Variants in MYRFL observed in about 807,000 individuals in gnomAD.
MYRFL encodes myelin regulatory factor-like protein.
In MYRFL, 88 loss-of-function variants were observed where a neutral mutation model predicts 109.4. The observed-to-expected ratio is 0.80, with a 90% CI of 0.68 to 0.96. The LOEUF is 0.96. Among genes scored for constraint, MYRFL ranks in the 40% least tolerant of loss-of-function variants. The probability of loss-of-function intolerance (pLI) is 0.00; values close to 1 mark genes in which losing one functional copy is unlikely to be tolerated. For missense variants in MYRFL, 957 were observed against 954.9 expected (o/e 1.00, Z -0.03); for synonymous variants, 324 against 320.9 (o/e 1.01, Z -0.10).
chr12:69,932,513 G>T lies in MYRFL; in HGVS notation c.1831G>T (p.Val611Phe). 1.3e-6 allele frequency: 2 copies of T among 1,534,734 alleles called. No individual in the cohort carries two copies. The highest frequency in any genetic ancestry group is 1.7e-6 in the Non-Finnish European group (2 of 1,145,696). Residue 611 changes from valine (V) to phenylalanine (F), a missense_variant and splice_region_variant, in exon 16 of 25, where the codon GTT becomes TTT. Physicochemically the swap from Val to Phe is conservative, Grantham distance 50 (BLOSUM62 -1). Transcript: ENST00000552032. ...TGCTCATTACTGAACCTTTTTATAG[G>T]TTTATTTTTCAGGAAAAAGACAGGC... is the stretch of plus-strand genomic sequence containing the variant. ...RRAVHKKNNK[V>F]YFSGKRQACP...
chr12:69,839,540 A>G (rs1883129701), intron 1 of MYRFL, among the ~76,000 whole-genome samples: 1 of 152,158 alleles, frequency 6.6e-6, no homozygotes, highest in Non-Finnish European at 1.5e-5. Context: ...GTTGTTCAGG[A>G]ACACGTACAT....
intron 17 of MYRFL, 24 bp from the exon 18 acceptor site, chr12:69,936,259 A>C: frequency 6.5e-7 from 1 of 1,535,836 alleles, no homozygotes; most frequent in Non-Finnish European, 8.7e-7. Context: ...CTCTTTCATT[A>C]ATCATTTCAT....
chr12:69,838,242 CTG>C (rs1311851758), intron 1 of MYRFL, among the ~76,000 whole-genome samples: 1 of 152,176 alleles, frequency 6.6e-6, no homozygotes, highest in Non-Finnish European at 1.5e-5. Flanking sequence ...ATATTTAACA[CTG>C]TACATTCCAG....
intron 1 of MYRFL, among the ~76,000 whole-genome samples, chr12:69,826,517 C>T (rs1215552067): frequency 1.3e-5 from 2 of 152,054 alleles, no homozygotes; most frequent in African/African-American, 4.8e-5. Context: ...TACTCCATTT[C>T]CTTCTAGAGC....
chr12:69,840,942 T>A (rs1883209535), intron 1 of MYRFL, among the ~76,000 whole-genome samples: 1 of 152,238 alleles, frequency 6.6e-6, no homozygotes, highest in Admixed American at 6.5e-5. Flanking sequence ...ATCTCTCAAT[T>A]ATCAGGCACA....
Position 69,890,955 on chromosome 12 carries a change from G to A in MYRFL, c.708-16G>A, listed in dbSNP as rs1055496322. 28 of 1,428,364 alleles carry A rather than the reference G, an allele frequency of 2.0e-5. No homozygotes were observed. In the African/African-American group the frequency reaches 3.5e-4, roughly 18 times the overall value. 88.5% of individuals were successfully genotyped at this position (1,428,364 alleles called of 1,614,324 possible). A position where few individuals can be genotyped will look rare whatever the true frequency, so the allele number is the denominator to read the frequency against. On this transcript the variant is annotated splice_polypyrimidine_tract_variant and intron_variant, in intron 6 of 24. Coordinates refer to ENST00000552032, the MANE Select transcript of MYRFL (RefSeq NM_182530.3). The stretch of plus-strand genomic sequence containing the variant: ...AAACATTTGTAAAACTGGTTTCTTG[G>A]TTTCTCTTTTCATAGACCTGATGTG...
At chr12:69,864,487 G>A (rs947470557) in intron 2 of MYRFL, among the ~76,000 whole-genome samples, 1 of 152,082 alleles carries the variant, frequency 6.6e-6, no homozygotes, top group Admixed American at 6.6e-5. Context: ...CTAAGACAGA[G>A]AGTGAAACCA....
At chr12:69,868,433 G>A (rs1410868480) in intron 2 of MYRFL, among the ~76,000 whole-genome samples, 2 of 152,136 alleles carry the variant, frequency 1.3e-5, no homozygotes, top group African/African-American at 2.4e-5. Context: ...TTCATTGCCT[G>A]AGGATTAAGT....
At chr12:69,846,549 A>G (rs1317988179) in intron 1 of MYRFL, among the ~76,000 whole-genome samples, 1 of 152,008 alleles carries the variant, frequency 6.6e-6, no homozygotes, top group East Asian at 1.9e-4. Flanking sequence ...ATGGCTGCAT[A>G]GTATTCCATG....
Position 69,926,745 on chromosome 12 carries a change from C to A in MYRFL, c.1766+11C>A. On this transcript the variant is annotated intron_variant, in intron 14 of 24. Transcript: ENST00000552032. ...AGCAAGCACAATCAGGTACGTGCAG[C>A]CAGGATTGCCATAGAAATTTGGGGA... The A allele has an allele frequency of 7.0e-7, 1 of 1,419,666 alleles. No individual in the cohort carries two copies. The highest frequency in any genetic ancestry group is 1.4e-5 in the African/African-American group (1 of 69,928). The allele number at this position is 1,419,666 out of a possible 1,614,324, so 87.9% of individuals were successfully genotyped here.
intron 5 of MYRFL, among the ~76,000 whole-genome samples, chr12:69,881,565 C>T (rs1240291): frequency 0.37 from 55,713 of 152,120 alleles, 11,295 homozygotes; most frequent in East Asian, 0.71. Flanking sequence ...GGACCTTTGG[C>T]GTCAGCTCCA....
intron 7 of MYRFL, among the ~76,000 whole-genome samples, chr12:69,892,148 T>C (rs1023151373): frequency 6.6e-6 from 1 of 152,102 alleles, no homozygotes; most frequent in African/African-American, 2.4e-5. Context: ...ATTATTTTCA[T>C]CAAATTATCA....
intron 22 of MYRFL, among the ~76,000 whole-genome samples, chr12:69,956,605 CCT>C (rs1956102182): frequency 6.6e-6 from 1 of 151,822 alleles, no homozygotes; most frequent in African/African-American, 2.4e-5. Context: ...TCTGTCCTCC[CCT>C]CTCTCCCTCT....
At position 69,895,532 on chromosome 12, in the gene MYRFL, C is replaced by T. The variant is rs951611657; in HGVS notation, c.1091+51C>T. On this transcript the variant is annotated intron_variant, in intron 9 of 24. Coordinates refer to ENST00000552032, the MANE Select transcript of MYRFL (RefSeq NM_182530.3). Reference sequence around the variant, plus strand: ...AGTGTGGCTGGGTACTTTATCTGGCCAGGAAGTGCCCTCCTGGGGCCCCTC... The same window carrying T: ...AGTGTGGCTGGGTACTTTATCTGGCTAGGAAGTGCCCTCCTGGGGCCCCTC... The T allele has an allele frequency of 1.4e-5, 20 of 1,473,480 alleles. No homozygotes were observed. The African/African-American group carries it at 1.8e-4, about 13-fold the overall frequency. The allele number at this position is 1,473,480 out of a possible 1,614,324, so 91.3% of individuals were successfully genotyped here.
chr12:69,872,070 T>TTCA (rs780382167), intron 2 of MYRFL, among the ~76,000 whole-genome samples: 11,594 of 152,232 alleles, frequency 0.076, 621 homozygotes, highest in Non-Finnish European at 0.11. Context: ...GAAACTCTGT[T>TTCA]ATTAAGTACA....
intron 8 of MYRFL, 69 bp downstream of exon 8, chr12:69,893,909 A>G: frequency 5.8e-6 from 3 of 521,326 alleles, no homozygotes; most frequent in African/African-American, 2.0e-5. Context: ...TTTTTTATAT[A>G]TATATAATTT....
intron 2 of MYRFL, among the ~76,000 whole-genome samples, chr12:69,868,033 C>T (rs1885109504): frequency 6.6e-6 from 1 of 152,074 alleles, no homozygotes; most frequent in African/African-American, 2.4e-5. Flanking sequence ...CCATCTGACT[C>T]CAGCTCGACT....
chr12:69,947,585 G>GAGTT lies in MYRFL; in HGVS notation c.2225-4525_2225-4522dup, dbSNP rs371449155. ...CCAGTAAAGATTTAAGTAGACAGGA[G>GAGTT]AGTTAGATATTAAAAAGTAAAGAGC... On this transcript the variant is annotated intron_variant, in intron 19 of 24. Transcript: ENST00000552032. Among the ~76,000 whole-genome samples the GAGTT allele has an allele frequency of 2.4e-3, 363 of 152,258 alleles. 1 individual carries two copies. The highest frequency in any genetic ancestry group is 0.01 in the Middle Eastern group (3 of 294).
intron 1 of MYRFL, among the ~76,000 whole-genome samples, chr12:69,848,615 A>G (rs995571029): frequency 6.6e-6 from 1 of 152,160 alleles, no homozygotes; most frequent in Non-Finnish European, 1.5e-5. Flanking sequence ...GAAGTTGCCT[A>G]TTATTTTAAA....
Sources: allele counts gnomAD v4.1 joint callset (sites outside exome capture counted in the v4.1 genomes callset), GRCh38; gene constraint gnomAD v4.1.1; transcripts MANE v1.5; gene names NCBI Gene and HGNC (gene_info 2026-07-23, HGNC 2026-07-21).